Variants in RGPD2 observed in about 807,000 individuals in gnomAD.
RGPD2 encodes the protein RANBP2 like and GRIP domain containing 2.
A neutral mutation model predicts 36.0 loss-of-function variants in RGPD2; 2 were observed. That is an observed-to-expected ratio of 0.06 (90% CI 0.02 to 0.17). The LOEUF (loss-of-function observed/expected upper bound fraction) is 0.17, where lower values mean the gene tolerates loss of function less well. RGPD2 is among the 10% of genes least tolerant of loss of function. RGPD2 has a pLI of 1.00. For synonymous variants in RGPD2, 19 were observed against 163.8 expected (o/e 0.12, Z 6.75); for missense variants, 40 against 464.3 (o/e 0.09, Z 8.40).
At chr2:87,822,521 T>C (rs1202924016) in intron 1 of RGPD2, among the ~76,000 whole-genome samples, 2 of 114,022 alleles carry the variant, frequency 1.8e-5, no homozygotes, top group Non-Finnish European at 3.6e-5. Context: ...TCAACTAAAT[T>C]AAGTAAAGAT....
At chr2:87,841,580 G>T in the RGPD2 span, among the ~76,000 whole-genome samples, 2 of 151,724 alleles carry the variant, frequency 1.3e-5, no homozygotes, top group South Asian at 2.1e-4. Flanking sequence ...TTTAGTCTTG[G>T]GAGGGTGTAT....
the RGPD2 span, among the ~76,000 whole-genome samples, chr2:87,879,107 TTTATAA>T: frequency 3.9e-3 from 598 of 152,318 alleles, 2 homozygotes; most frequent in African/African-American, 0.014. Flanking sequence ...GTAGTGGAAT[TTTATAA>T]TTATATCATC....
chr2:87,900,697 AG>A, the RGPD2 span, among the ~76,000 whole-genome samples: 1 of 150,658 alleles, frequency 6.6e-6, no homozygotes, highest in African/African-American at 2.4e-5. Flanking sequence ...TTTCACATGT[AG>A]TACTCCAACA....
chr2:87,825,880 C>T (rs1002304998), upstream of RGPD2: 20 of 1,017,838 alleles, frequency 2.0e-5, no homozygotes, highest in South Asian at 2.6e-4. Context: ...CACTGTGTAT[C>T]CTTGGCGACG....
chr2:87,856,991 C>T, the RGPD2 span, among the ~76,000 whole-genome samples: 1 of 152,176 alleles, frequency 6.6e-6, no homozygotes, highest in African/African-American at 2.4e-5. Flanking sequence ...AGGTAACAAA[C>T]TAATGGCTCT....
At chr2:87,841,666 T>C in the RGPD2 span, among the ~76,000 whole-genome samples, 2 of 150,662 alleles carry the variant, frequency 1.3e-5, no homozygotes, top group Non-Finnish European at 3.0e-5. Context: ...TCTGAAACTA[T>C]TCCAATCAAT....
the RGPD2 span, among the ~76,000 whole-genome samples, chr2:87,917,850 C>A: frequency 8.1e-6 from 1 of 123,004 alleles, no homozygotes; most frequent in African/African-American, 3.6e-5. Context: ...ATAATGTAGT[C>A]TCTATTAACC....
chr2:87,875,911 A>G, the RGPD2 span, among the ~76,000 whole-genome samples: 11 of 152,188 alleles, frequency 7.2e-5, no homozygotes, highest in East Asian at 2.1e-3. Context: ...CAGTCTATTC[A>G]GTGACTCAAT....
At chr2:87,856,922 A>G in the RGPD2 span, among the ~76,000 whole-genome samples, 2 of 152,124 alleles carry the variant, frequency 1.3e-5, no homozygotes, top group South Asian at 2.1e-4. Context: ...GGCTTTGACT[A>G]TCAGCAGATG....
intron 1 of RGPD2, among the ~76,000 whole-genome samples, chr2:87,824,406 A>C (rs1025991478): frequency 6.6e-6 from 1 of 151,944 alleles, no homozygotes; most frequent in Non-Finnish European, 1.5e-5. Context: ...ACACTCCAAA[A>C]CTCAGACATT....
chr2:87,825,514 C>T lies in RGPD2; in HGVS notation c.72+144G>A, dbSNP rs1686727202. ...CGCCCGGCCGAGGCCGAGGCCGAGGCCGCCGCCCGGCCGAGGCCGAGGCCG... is the reference window on the plus strand; with the variant it reads ...CGCCCGGCCGAGGCCGAGGCCGAGGTCGCCGCCCGGCCGAGGCCGAGGCCG... On this transcript the variant is annotated intron_variant, in intron 1 of 22. Transcript: ENST00000398146. The T allele has an allele frequency of 2.1e-5, 8 of 387,518 alleles. 1 individual carries two copies. Among genetic ancestry groups the T allele is most frequent in the South Asian group, 1.1e-4 (1 of 8,798 alleles). 24.0% of individuals were successfully genotyped at this position (387,518 alleles called of 1,614,324 possible). A position where few individuals can be genotyped will look rare whatever the true frequency, so the allele number is the denominator to read the frequency against.
chr2:87,884,836 T>C, the RGPD2 span, among the ~76,000 whole-genome samples: 1 of 152,100 alleles, frequency 6.6e-6, no homozygotes, highest in African/African-American at 2.4e-5. Flanking sequence ...TCCAGATAGC[T>C]TCATGGATGA....
the RGPD2 span, among the ~76,000 whole-genome samples, chr2:87,976,273 C>T: frequency 6.6e-6 from 1 of 151,764 alleles, no homozygotes; most frequent in Non-Finnish European, 1.5e-5. Context: ...AAGGCATCTG[C>T]AATTTTTTTA....
At chr2:87,843,917 A>G in the RGPD2 span, among the ~76,000 whole-genome samples, 1 of 152,028 alleles carries the variant, frequency 6.6e-6, no homozygotes, top group Non-Finnish European at 1.5e-5. Context: ...TTGTAGGGAC[A>G]TGGATGAAAT....
chr2:87,885,535 C>G, the RGPD2 span, among the ~76,000 whole-genome samples: 2 of 150,912 alleles, frequency 1.3e-5, no homozygotes, highest in Non-Finnish European at 3.0e-5. Context: ...AAAGGACATC[C>G]AAATAAAAGA....
At chr2:87,887,099 A>G in the RGPD2 span, among the ~76,000 whole-genome samples, 1 of 151,824 alleles carries the variant, frequency 6.6e-6, no homozygotes. Flanking sequence ...ACCTATAAAT[A>G]TTTTTTAAAT....
chr2:87,918,511 CT>C, the RGPD2 span, among the ~76,000 whole-genome samples: 3 of 150,444 alleles, frequency 2.0e-5, no homozygotes, highest in Non-Finnish European at 4.4e-5. Context: ...CATATTTGGT[CT>C]GATAGAAAGG....
chr2:87,888,348 A>T, the RGPD2 span, among the ~76,000 whole-genome samples: 1 of 150,972 alleles, frequency 6.6e-6, no homozygotes, highest in African/African-American at 2.4e-5. Flanking sequence ...GTTAATTTTC[A>T]AATGGATTAT....
chr2:87,980,323 C>CGGGCAACAAGAG, the RGPD2 span, among the ~76,000 whole-genome samples: 1 of 49,878 alleles, frequency 2.0e-5, no homozygotes, highest in Non-Finnish European at 4.6e-5. Flanking sequence ...TGCACTCCCT[C>CGGGCAACAAGAG]CCGGGCAACA....
Sources: gnomAD v4.1 joint callset for allele counts (sites outside exome capture counted in the v4.1 genomes callset) on GRCh38, gnomAD v4.1.1 for gene constraint, MANE v1.5 for transcripts, NCBI Gene and HGNC (gene_info 2026-07-23, HGNC 2026-07-21) for gene names.